RNF144A: variants seen among roughly 807,000 people sequenced by gnomAD.
RNF144A encodes ring finger protein 144A.
Under a neutral mutation model 38.7 loss-of-function variants are expected in RNF144A, and 11 were observed. The ratio of observed to expected loss-of-function variants is 0.28; its 90% CI spans 0.18 to 0.47. The LOEUF (loss-of-function observed/expected upper bound fraction) is 0.47, where lower values mean the gene tolerates loss of function less well. Among genes scored for constraint, RNF144A ranks in the 20% least tolerant of loss-of-function variants. The probability of loss-of-function intolerance (pLI) is 0.99; values close to 1 mark genes in which losing one functional copy is unlikely to be tolerated. For missense variants in RNF144A, 316 were observed against 377.2 expected, an observed-to-expected ratio of 0.84 and a Z score of 1.34; for synonymous variants, 149 against 143.9, an observed-to-expected ratio of 1.04 and a Z score of -0.25.
chr2:7,040,956 A>G lies in RNF144A; in HGVS notation c.*1196A>G. The G allele has an allele frequency of 1.0e-6, 1 of 985,416 alleles. No individual in the cohort carries two copies. The highest frequency in any genetic ancestry group is 1.2e-6 in the Non-Finnish European group (1 of 829,916). The allele number at this position is 985,416 out of a possible 1,614,324, so 61.0% of individuals were successfully genotyped here. A position where few individuals can be genotyped will look rare whatever the true frequency, so the allele number is the denominator to read the frequency against. On this transcript the variant is annotated 3_prime_UTR_variant, in exon 9 of 9. Transcript: ENST00000320892. ...ATCTTTTACAGGGCTGTCTGTGACC[A>G]TTTCCATGGCAGCAGGATGCAGGGA... is the stretch of plus-strand genomic sequence containing the variant.
intron 3 of RNF144A, among the ~76,000 whole-genome samples, chr2:7,013,394 G>A (rs922380028): frequency 2.6e-5 from 4 of 152,232 alleles, no homozygotes; most frequent in Admixed American, 6.5e-5. Flanking sequence ...TGGATTATAC[G>A]TTTTTGCGGG....
intron 1 of RNF144A, among the ~76,000 whole-genome samples, chr2:6,934,008 A>G (rs888346755): frequency 7.2e-5 from 11 of 151,982 alleles, no homozygotes; most frequent in East Asian, 3.8e-4. Flanking sequence ...TTTTTCACCA[A>G]TGTATCTCTT....
At chr2:7,024,018 G>A (rs946676414) in intron 6 of RNF144A, among the ~76,000 whole-genome samples, 2 of 152,158 alleles carry the variant, frequency 1.3e-5, no homozygotes, top group African/African-American at 4.8e-5. Context: ...TGTGAATAAG[G>A]ATACAATATT....
At chr2:7,021,297 T>G (rs1183986580) in intron 6 of RNF144A, among the ~76,000 whole-genome samples, 1 of 152,134 alleles carries the variant, frequency 6.6e-6, no homozygotes, top group Non-Finnish European at 1.5e-5. Context: ...TTGCCCCTGC[T>G]CCTGTTGAGT....
At chr2:6,987,195 G>A (rs180752388) in intron 2 of RNF144A, among the ~76,000 whole-genome samples, 376 of 152,288 alleles carry the variant, frequency 2.5e-3, no homozygotes, top group African/African-American at 8.5e-3. Context: ...AATAAAGAAT[G>A]AGTTTCCTGC....
At position 6,941,578 on chromosome 2, in the gene RNF144A, G is replaced by A. The variant is rs535385658; in HGVS notation, c.-12+431G>A. On this transcript the variant is annotated intron_variant, in intron 2 of 8. Transcript: ENST00000320892. This position sits in a 1 kb window ranked among gnomAD's most constrained non-coding sequence, Gnocchi z 6.5. ...GAATACAAGTGGAGGATGGGGGTAG[G>A]GACAGTCAGGAAGAGACAGACAATT... Among the ~76,000 whole-genome samples, 2 of 152,284 alleles carry A rather than the reference G, an allele frequency of 1.3e-5. No individual in the cohort carries two copies. The highest frequency in any genetic ancestry group is 4.1e-4 in the South Asian group (2 of 4,826).
chr2:6,959,781 A>G (rs1334626905), intron 2 of RNF144A, among the ~76,000 whole-genome samples: 2 of 151,980 alleles, frequency 1.3e-5, no homozygotes, highest in Non-Finnish European at 2.9e-5. Context: ...CATTTCTTAA[A>G]GATCACCACC....
At chr2:7,047,645 A>G (rs148758850), downstream of RNF144A, among the ~76,000 whole-genome samples, 1,385 of 152,312 alleles carry the variant, frequency 9.1e-3, 23 homozygotes, top group African/African-American at 0.032. Flanking sequence ...GACACAGCCA[A>G]ACCAGTCACT....
At chr2:7,067,174 G>T in intron 6 of RNF144A, among the ~76,000 whole-genome samples, 1 of 152,190 alleles carries the variant, frequency 6.6e-6, no homozygotes, top group African/African-American at 2.4e-5. Context: ...GTGGTTTTCT[G>T]ATTTGTCTAC....
chr2:7,046,193 ACTCAG>A (rs1010389611), downstream of RNF144A, among the ~76,000 whole-genome samples: 17 of 152,198 alleles, frequency 1.1e-4, no homozygotes, highest in African/African-American at 3.9e-4. Context: ...AGTGTCCATT[ACTCAG>A]CTCAGCTCAG....
chr2:7,010,848 C>T (rs1451287904), intron 3 of RNF144A, among the ~76,000 whole-genome samples: 1 of 152,150 alleles, frequency 6.6e-6, no homozygotes, highest in Non-Finnish European at 1.5e-5. Context: ...GCCTCCCTGC[C>T]CCCTTGAAGT....
At chr2:6,938,569 G>A (rs1247524067) in intron 1 of RNF144A, among the ~76,000 whole-genome samples, 1 of 152,036 alleles carries the variant, frequency 6.6e-6, no homozygotes, top group African/African-American at 2.4e-5. Flanking sequence ...TTAAATAGTA[G>A]TTTTATTAAA....
intron 3 of RNF144A, among the ~76,000 whole-genome samples, chr2:7,003,813 TATC>T (rs1182618739): frequency 6.6e-6 from 1 of 152,248 alleles, no homozygotes; most frequent in African/African-American, 2.4e-5. Flanking sequence ...TTCCTTGGGT[TATC>T]AAGGTTGGGA....
At chr2:7,028,110 G>C (rs1672043962) in intron 7 of RNF144A, among the ~76,000 whole-genome samples, 1 of 152,300 alleles carries the variant, frequency 6.6e-6, no homozygotes, top group African/African-American at 2.4e-5. Context: ...AAAGTCCCTG[G>C]CGGCCCCAAG....
rs961141273 is a variant in RNF144A at position 7,002,325 on chromosome 2, C to T, written c.135+5264C>T. Among the ~76,000 whole-genome samples, 6 of 152,234 alleles carry T rather than the reference C, an allele frequency of 3.9e-5. No individual in the cohort carries two copies. The South Asian group carries it at 6.2e-4, about 16-fold the overall frequency. The stretch of plus-strand genomic sequence containing the variant: ...GTAGGTAAGACATAATCCCTGCCCC[C>T]TCTGATCCCTTGCTCAGCATTAGAT... On this transcript the variant is annotated intron_variant, in intron 3 of 8. Coordinates refer to ENST00000320892, the MANE Select transcript of RNF144A (RefSeq NM_014746.6).
At chr2:6,955,260 A>C (rs893064539) in intron 2 of RNF144A, among the ~76,000 whole-genome samples, 1 of 152,222 alleles carries the variant, frequency 6.6e-6, no homozygotes, top group Non-Finnish European at 1.5e-5. Context: ...AGGAAGTCTT[A>C]TGGAAGCCTA....
rs558658645 is a variant in RNF144A at position 6,937,987 on chromosome 2, C to A, written c.-211-2961C>A. 3.9e-5 allele frequency among the ~76,000 whole-genome samples: 6 copies of A among 152,320 alleles called. No homozygotes were observed. In the South Asian group the frequency reaches 1.2e-3, roughly 32 times the overall value. ...AGATGGAAACACTGCTCCTCTATTT[C>A]TCTGCTTTGAGAAAACTAGGATGGC... On this transcript the variant is annotated intron_variant, in intron 1 of 8. Transcript: ENST00000320892.
rs1558461166 is a variant in RNF144A, at chr2:7,043,913, AGTG to A, written c.*4160_*4162del. On this transcript the variant is annotated 3_prime_UTR_variant, in exon 9 of 9. Transcript: ENST00000320892. ...ACATGTATACGTTATGTATTTGACA[AGTG>A]GTGGTGAAACAAAATCAAAACAGAT... The A allele has an allele frequency of 1.0e-6, 1 of 985,870 alleles. No individual in the cohort carries two copies. The highest frequency in any genetic ancestry group is 5.2e-4 in the Middle Eastern group (1 of 1,914). The allele number at this position is 985,870 out of a possible 1,614,324, so 61.1% of individuals were successfully genotyped here.
In RNF144A at chr2:7,041,253, G is replaced by T. The variant is rs1673024854; in HGVS notation, c.*1493G>T. ...AAGCACATTTTTAAAATGTTGCTTTGTGTGTGTTTGACTTCTGCATTTGAG... is the reference window on the plus strand; with the variant it reads ...AAGCACATTTTTAAAATGTTGCTTTTTGTGTGTTTGACTTCTGCATTTGAG... On this transcript the variant is annotated 3_prime_UTR_variant, in exon 9 of 9. Coordinates refer to ENST00000320892, the MANE Select transcript of RNF144A (RefSeq NM_014746.6). 3.0e-6 allele frequency: 3 copies of T among 985,652 alleles called. No individual in the cohort carries two copies. The highest frequency in any genetic ancestry group is 3.6e-6 in the Non-Finnish European group (3 of 829,934). The allele number at this position is 985,652 out of a possible 1,614,324, so 61.1% of individuals were successfully genotyped here. A position where few individuals can be genotyped will look rare whatever the true frequency, so the allele number is the denominator to read the frequency against.
Sources: gnomAD v4.1 joint callset for allele counts (sites outside exome capture counted in the v4.1 genomes callset) on GRCh38, gnomAD v4.1.1 for gene constraint, Gnocchi (gnomAD v3.1) non-coding constraint, MANE v1.5 for transcripts, NCBI Gene and HGNC (gene_info 2026-07-23, HGNC 2026-07-21) for gene names.